The following RGPD3 variants were observed in gnomAD, a reference collection of about 807,000 sequenced individuals.
RGPD3 encodes RANBP2 like and GRIP domain containing 3.
A neutral mutation model predicts 154.5 loss-of-function variants in RGPD3; 62 were observed. The ratio of observed to expected loss-of-function variants is 0.40; its 90% CI spans 0.33 to 0.50. RGPD3 has a LOEUF of 0.50. Among genes scored for constraint, RGPD3 ranks in the 20% least tolerant of loss-of-function variants. RGPD3 has a pLI of 0.59. For synonymous variants in RGPD3, 308 were observed against 607.0 expected (o/e 0.51, Z 7.24); for missense variants, 919 against 1,716.8 (o/e 0.54, Z 8.21).
Position 106,441,312 on chromosome 2 carries a change from A to C in RGPD3, c.1047T>G (p.Cys349Trp). ...AGQNLLEMMA[C>W]DRLSQSGHML... ...TATTACCTGATTGGCTCAGTCGGTC[A>C]CAGGCCATCATTTCCAGCAGATTTT... Residue 349 changes from cysteine to tryptophan, a missense_variant, in exon 8 of 23, where the codon TGT becomes TGG. Transcript: ENST00000409886. 2 of 1,560,750 alleles carry C rather than the reference A, an allele frequency of 1.3e-6. No homozygotes were observed. Among genetic ancestry groups the C allele is most frequent in the Non-Finnish European group, 1.7e-6 (2 of 1,151,950 alleles).
intron 7 of RGPD3, among the ~76,000 whole-genome samples, chr2:106,446,198 G>T (rs1677919287): frequency 7.8e-6 from 1 of 127,832 alleles, no homozygotes; most frequent in Admixed American, 8.3e-5. Flanking sequence ...ATTTTTCTAA[G>T]CCTGGTTTAA....
intron 20 of RGPD3, among the ~76,000 whole-genome samples, chr2:106,418,851 A>C (rs879924362): frequency 5.3e-5 from 8 of 150,910 alleles, no homozygotes; most frequent in Admixed American, 4.7e-4. Flanking sequence ...TGCAGGGGTG[A>C]GACACCACGC....
rs1447177603 is a variant in RGPD3, at chr2:106,416,012, T to C, written c.4925-23A>G. 1.9e-6 allele frequency: 3 copies of C among 1,611,226 alleles called. No homozygotes were observed. The Admixed American group carries it at 5.0e-5, about 27-fold the overall frequency. On this transcript the variant is annotated intron_variant, in intron 20 of 22. Coordinates refer to ENST00000409886, the MANE Select transcript of RGPD3 (RefSeq NM_001144013.2). The stretch of plus-strand genomic sequence containing the variant: ...GCTCTGCAACATGTTGTTCCAAGAA[T>C]TAATTTTCAAAATCATACATTACAG...
At chr2:106,415,617 T>C (rs1379853374) in intron 21 of RGPD3, among the ~76,000 whole-genome samples, 6 of 128,748 alleles carry the variant, frequency 4.7e-5, no homozygotes, top group Admixed American at 9.5e-5. Flanking sequence ...GTGGAGCTTG[T>C]AGTGAGCCGG....
intron 7 of RGPD3, among the ~76,000 whole-genome samples, chr2:106,446,707 C>G (rs1238145312): frequency 6.7e-6 from 1 of 149,852 alleles, no homozygotes; most frequent in South Asian, 2.1e-4. Context: ...ATGGTGAAAC[C>G]CCATCTCTAT....
intron 9 of RGPD3, among the ~76,000 whole-genome samples, chr2:106,437,540 G>GAAAA (rs1677599306): frequency 6.6e-6 from 1 of 152,134 alleles, no homozygotes; most frequent in South Asian, 2.1e-4. Context: ...GAAAAGAAAA[G>GAAAA]GTTATGCGCT....
At position 106,413,149 on chromosome 2, in the gene RGPD3, G is replaced by C. The variant is rs757254477; in HGVS notation, c.5201C>G (p.Pro1734Arg). 4.3e-6 allele frequency: 7 copies of C among 1,611,570 alleles called. No homozygotes were observed. The South Asian group carries it at 6.6e-5, about 15-fold the overall frequency. ...GAGCTGCAACATCGTATTTATAACA[G>C]GAAGAAGTCTCTCTCTTTCACTACC... Reference protein sequence around the residue: ...KPGSERERLLPVINTMLQLSL... With the variant: ...KPGSERERLLRVINTMLQLSL... Residue 1734 changes from proline to arginine, a missense_variant, in exon 22 of 23, where the codon CCT (proline) becomes CGT (arginine). Transcript: ENST00000409886.
chr2:106,415,999 G>A lies in RGPD3; in HGVS notation c.4925-10C>T, dbSNP rs185034930. The A allele has an allele frequency of 0.01, 16,790 of 1,611,376 alleles. 153 individuals are homozygous for A. Among genetic ancestry groups the A allele is most frequent in the South Asian group, 0.027 (2,456 of 90,852 alleles). On this transcript the variant is annotated splice_polypyrimidine_tract_variant and intron_variant, in intron 20 of 22. Transcript: ENST00000409886. ...TACCATAATGGAGGCTCTGCAACATGTTGTTCCAAGAATTAATTTTCAAAA... is the reference window on the plus strand; with the variant it reads ...TACCATAATGGAGGCTCTGCAACATATTGTTCCAAGAATTAATTTTCAAAA...
At position 106,436,447 on chromosome 2, in the gene RGPD3, TC is replaced by T; in HGVS notation, c.1600del (p.Asp534MetfsTer6). ...TCTGTGAATCAGAGTACAAACCGCA[TC>T]CCACCAAGATTTTTGTCTTTCTGTA... ...LCTERQKSWW[D>X]AVCTLIHRKA... On this transcript the variant is annotated frameshift_variant, in exon 11 of 23. Coordinates refer to ENST00000409886, the MANE Select transcript of RGPD3 (RefSeq NM_001144013.2). LOFTEE classifies it high-confidence loss of function. 1 of 1,605,558 alleles carries T rather than the reference TC, an allele frequency of 6.2e-7. No homozygotes were observed.
chr2:106,436,679 A>T lies in RGPD3; in HGVS notation c.1452T>A (p.Asp484Glu). Residue 484 changes from aspartate to glutamate, a missense_variant, in exon 10 of 23, where the codon GAT (aspartate) becomes GAA (glutamate). Physicochemically the swap from Asp to Glu is conservative, Grantham distance 45 (BLOSUM62 2). Transcript: ENST00000409886. ...TNAPESICIL[D>E]LEVFLLGVVY... ...TGTTAAAATCTTTGCTTACTTCAAG[A>T]TCTAAAATACATATTGATTCAGGTG... The T allele has an allele frequency of 6.6e-7, 1 of 1,526,206 alleles. No individual in the cohort carries two copies. The highest frequency in any genetic ancestry group is 2.0e-5 in the Admixed American group (1 of 50,114). The allele number at this position is 1,526,206 out of a possible 1,614,324, so 94.5% of individuals were successfully genotyped here.
At chr2:106,448,253 A>G (rs1573287529) in intron 6 of RGPD3, among the ~76,000 whole-genome samples, 1 of 152,036 alleles carries the variant, frequency 6.6e-6, no homozygotes, top group Admixed American at 6.6e-5. Context: ...GATTACAGGC[A>G]CCTGCCACCA....
chr2:106,465,721 C>G (rs78843995), intron 1 of RGPD3, among the ~76,000 whole-genome samples: 7,429 of 151,030 alleles, frequency 0.049, 255 homozygotes, highest in Non-Finnish European at 0.074. Context: ...TTTGTAAGAA[C>G]TTTAGAATTT....
chr2:106,427,058 A>G (rs1486847139), intron 18 of RGPD3, among the ~76,000 whole-genome samples: 1 of 151,522 alleles, frequency 6.6e-6, no homozygotes, highest in African/African-American at 2.4e-5. Flanking sequence ...AGAAAAAATA[A>G]AATATTAAAT....
chr2:106,412,298 T>G (rs1361485733), intron 22 of RGPD3, among the ~76,000 whole-genome samples: 7 of 35,188 alleles, frequency 2.0e-4, no homozygotes, highest in South Asian at 4.3e-3. Flanking sequence ...TCATAGTTTT[T>G]TTTTTTTTTT....
rs572186161 is a variant in RGPD3, at chr2:106,437,962, C to T, written c.1276+1006G>A. Among the ~76,000 whole-genome samples the T allele has an allele frequency of 3.3e-4, 50 of 152,328 alleles. No homozygotes were observed. The East Asian group carries it at 4.5e-3, about 14-fold the overall frequency. On this transcript the variant is annotated intron_variant, in intron 9 of 22. Transcript: ENST00000409886. ...ACTTTTTGTTTCTGAGACGAAGTCT[C>T]GCTCTGTCGCCCAGGCTGTAGTGCA...
intron 6 of RGPD3, among the ~76,000 whole-genome samples, chr2:106,449,508 A>G (rs9711769): frequency 2.0e-5 from 3 of 151,272 alleles, no homozygotes; most frequent in Non-Finnish European, 2.9e-5. Context: ...TTAACACACA[A>G]TAGGGCTTAT....
chr2:106,454,973 C>G (rs1445928765), intron 4 of RGPD3, among the ~76,000 whole-genome samples: 5 of 152,104 alleles, frequency 3.3e-5, no homozygotes, highest in African/African-American at 1.2e-4. Flanking sequence ...GAACAATAGC[C>G]AAAACCTAGA....
chr2:106,431,572 T>C (rs1486284367), intron 17 of RGPD3, among the ~76,000 whole-genome samples: 3 of 152,330 alleles, frequency 2.0e-5, no homozygotes, highest in Middle Eastern at 3.4e-3. Context: ...GAAACCTGTA[T>C]GTTAAGTCAA....
chr2:106,464,630 G>A (rs1678511504), intron 1 of RGPD3, among the ~76,000 whole-genome samples: 1 of 151,844 alleles, frequency 6.6e-6, no homozygotes, highest in African/African-American at 2.4e-5. Flanking sequence ...GTAGGAATCA[G>A]CTGCAGAATA....
Sources: allele counts gnomAD v4.1 joint callset (sites outside exome capture counted in the v4.1 genomes callset), GRCh38; gene constraint gnomAD v4.1.1; transcripts MANE v1.5; gene names NCBI Gene and HGNC (gene_info 2026-07-23, HGNC 2026-07-21).